The following PRKG1 variants were observed in gnomAD, a reference collection of about 807,000 sequenced individuals.
PRKG1 encodes cGMP-dependent protein kinase 1.
In PRKG1, 35 loss-of-function variants were observed where a neutral mutation model predicts 88.1. That is an observed-to-expected ratio of 0.40 (90% CI 0.30 to 0.53). The LOEUF (loss-of-function observed/expected upper bound fraction) is 0.53. Ranked by LOEUF, PRKG1 falls within the 20% of genes least tolerant of loss-of-function variation. The probability of loss-of-function intolerance (pLI) is 0.59; values close to 1 mark genes in which losing one functional copy is unlikely to be tolerated. For synonymous variants in PRKG1, 303 were observed against 292.5 expected, an observed-to-expected ratio of 1.04 and a Z score of -0.37; for missense variants, 540 against 839.8, an observed-to-expected ratio of 0.64 and a Z score of 4.41.
intron 3 of PRKG1, among the ~76,000 whole-genome samples, chr10:51,579,651 C>T (rs970638120): frequency 1.3e-5 from 2 of 152,170 alleles, no homozygotes; most frequent in East Asian, 1.9e-4. Flanking sequence ...TTCATGAAGT[C>T]CTTTTCTGAT....
At position 52,280,931 on chromosome 10, in the gene PRKG1, G is replaced by T; in HGVS notation, c.1545+1G>T. On this transcript the variant is annotated splice_donor_variant, in intron 13 of 17. Coordinates refer to ENST00000373980, the MANE Select transcript of PRKG1 (RefSeq NM_006258.4). LOFTEE classifies it high-confidence loss of function. ...AGATCACCGAGGTTATGCCAAACTG[G>T]TCAGTGCATTTCATACGTGCTTTCT... 6.2e-7 allele frequency: 1 copy of T among 1,612,534 alleles called. No homozygotes were observed.
intron 5 of PRKG1, among the ~76,000 whole-genome samples, chr10:51,966,738 G>C (rs550294418): frequency 6.2e-4 from 95 of 152,214 alleles, no homozygotes; most frequent in African/African-American, 2.0e-3. Context: ...GCAGCGCCCT[G>C]GTGTGCCACT....
intron 2 of PRKG1, among the ~76,000 whole-genome samples, chr10:51,393,474 A>G (rs1293903878): frequency 1.3e-5 from 2 of 152,244 alleles, no homozygotes; most frequent in African/African-American, 4.8e-5. Flanking sequence ...CCGGGCAGCT[A>G]CATGATGAAT....
At chr10:51,195,358 C>T (rs911212720) in intron 2 of PRKG1, among the ~76,000 whole-genome samples, 8 of 152,206 alleles carry the variant, frequency 5.3e-5, no homozygotes, top group Middle Eastern at 3.4e-3. Flanking sequence ...TCAGTTCAAA[C>T]GTCAGTTTTC....
At chr10:51,160,269 A>G (rs1030034338) in intron 2 of PRKG1, among the ~76,000 whole-genome samples, 8 of 152,066 alleles carry the variant, frequency 5.3e-5, no homozygotes, top group African/African-American at 1.9e-4. Context: ...TTCTTCTACC[A>G]CTTGTTTTTG....
At chr10:51,919,421 T>C (rs1343184278) in intron 5 of PRKG1, among the ~76,000 whole-genome samples, 5 of 152,188 alleles carry the variant, frequency 3.3e-5, no homozygotes, top group Non-Finnish European at 7.3e-5. Flanking sequence ...CTCTTCACTC[T>C]CTGGGAAGAG....
intron 2 of PRKG1, among the ~76,000 whole-genome samples, chr10:51,195,363 G>T (rs1465301142): frequency 2.0e-5 from 3 of 152,124 alleles, no homozygotes; most frequent in Admixed American, 2.0e-4. Flanking sequence ...TCAAACGTCA[G>T]TTTTCAATTT....
intron 5 of PRKG1, among the ~76,000 whole-genome samples, chr10:51,933,915 C>T (rs1018606160): frequency 2.0e-5 from 3 of 152,006 alleles, no homozygotes; most frequent in African/African-American, 4.8e-5. Context: ...ATGAATAACA[C>T]TTAGTTGTAG....
intron 1 of PRKG1, among the ~76,000 whole-genome samples, chr10:51,098,795 C>T (rs1844606564): frequency 6.6e-6 from 1 of 152,130 alleles, no homozygotes; most frequent in Admixed American, 6.5e-5. Flanking sequence ...TCCCCACATG[C>T]CATTCCCCAC....
chr10:51,155,272 A>C (rs918591401), intron 2 of PRKG1, among the ~76,000 whole-genome samples: 1 of 152,122 alleles, frequency 6.6e-6, no homozygotes, highest in African/African-American at 2.4e-5. Flanking sequence ...CCTAACTGAA[A>C]GTCTTCTAGC....
intron 9 of PRKG1, among the ~76,000 whole-genome samples, chr10:52,197,000 T>C (rs1291386022): frequency 6.6e-6 from 1 of 152,156 alleles, no homozygotes; most frequent in Admixed American, 6.5e-5. Flanking sequence ...GTAGCCACAA[T>C]AGTAATAGCA....
chr10:51,181,579 T>G (rs1177490433), intron 2 of PRKG1, among the ~76,000 whole-genome samples: 1 of 152,196 alleles, frequency 6.6e-6, no homozygotes, highest in Non-Finnish European at 1.5e-5. Flanking sequence ...TGGGAGTTTT[T>G]CTTATTTTAG....
At chr10:51,684,623 AC>A in intron 3 of PRKG1, among the ~76,000 whole-genome samples, 1 of 152,222 alleles carries the variant, frequency 6.6e-6, no homozygotes. Flanking sequence ...TAATCCCAGC[AC>A]TTTGGGAGGC....
intron 3 of PRKG1, among the ~76,000 whole-genome samples, chr10:51,772,746 ATCT>A (rs1564640871): frequency 3.8e-4 from 58 of 152,212 alleles, no homozygotes; most frequent in African/African-American, 1.3e-3. Flanking sequence ...TAGTGGAAGC[ATCT>A]CATCAACTCG....
At chr10:51,314,279 C>G (rs7923630) in intron 2 of PRKG1, among the ~76,000 whole-genome samples, 1 of 152,050 alleles carries the variant, frequency 6.6e-6, no homozygotes. Flanking sequence ...TGCTGAGAAT[C>G]GCAGAGTCCC....
chr10:52,270,585 C>T (rs1266354035), intron 10 of PRKG1, among the ~76,000 whole-genome samples: 1 of 151,874 alleles, frequency 6.6e-6, no homozygotes, highest in Non-Finnish European at 1.5e-5. Flanking sequence ...ATGGATGAAG[C>T]TGGAAACCAT....
At chr10:51,853,908 A>T (rs1032358741) in intron 4 of PRKG1, among the ~76,000 whole-genome samples, 2 of 152,062 alleles carry the variant, frequency 1.3e-5, no homozygotes, top group Non-Finnish European at 2.9e-5. Context: ...TTAAGCATTT[A>T]TTCCTTTTTT....
chr10:51,829,247 T>G (rs1473602815), intron 4 of PRKG1, among the ~76,000 whole-genome samples: 2 of 152,228 alleles, frequency 1.3e-5, no homozygotes, highest in Non-Finnish European at 2.9e-5. Context: ...TGGAATTCCA[T>G]GTCTTCTTAT....
At chr10:51,156,012 A>G (rs925349864) in intron 2 of PRKG1, among the ~76,000 whole-genome samples, 4 of 151,912 alleles carry the variant, frequency 2.6e-5, no homozygotes, top group Admixed American at 2.0e-4. Flanking sequence ...ACCCATACAT[A>G]TCTTCTTAAA....
Sources: gnomAD v4.1 joint callset for allele counts (sites outside exome capture counted in the v4.1 genomes callset) on GRCh38, gnomAD v4.1.1 for gene constraint, MANE v1.5 for transcripts, NCBI Gene and HGNC (gene_info 2026-07-23, HGNC 2026-07-21) for gene names.